The following FMN1 variants were observed in gnomAD, a reference collection of about 807,000 sequenced individuals.
FMN1 encodes formin 1, also known as formin-1.
In FMN1, 110 loss-of-function variants were observed where a neutral mutation model predicts 132.4. That is an observed-to-expected ratio of 0.83 (90% CI 0.71 to 0.97). FMN1 has a LOEUF of 0.97. FMN1 is among the 50% of genes least tolerant of loss of function. The pLI is 0.00. For missense variants in FMN1, 1,792 were observed against 1,705.3 expected, an observed-to-expected ratio of 1.05 and a Z score of -0.90; for synonymous variants, 722 against 651.7, an observed-to-expected ratio of 1.11 and a Z score of -1.64.
At chr15:32,860,811 A>G (rs772998738) in intron 16 of FMN1, 3 of 152,178 alleles carry the variant, frequency 2.0e-5, no homozygotes, top group East Asian at 3.8e-4. Context: ...AGGTGTCCCA[A>G]GATGATCTAA....
chr15:33,169,907 A>C (rs1168496769), intron 3 of FMN1, among the ~76,000 whole-genome samples: 1 of 152,092 alleles, frequency 6.6e-6, no homozygotes, highest in Admixed American at 6.6e-5. Context: ...CTTGCATAAC[A>C]AATCACTTTT....
At chr15:32,965,355 G>A (rs996909533) in intron 8 of FMN1, among the ~76,000 whole-genome samples, 5 of 152,048 alleles carry the variant, frequency 3.3e-5, no homozygotes, top group African/African-American at 1.2e-4. Flanking sequence ...AACTGAGATT[G>A]TGCCACTGCA....
chr15:33,110,702 C>A (rs1754279258), intron 4 of FMN1, among the ~76,000 whole-genome samples: 1 of 151,216 alleles, frequency 6.6e-6, no homozygotes, highest in Non-Finnish European at 1.5e-5. Context: ...ATCATTAAAG[C>A]ATTTTGATGA....
At position 33,024,223 on chromosome 15, in the gene FMN1, ATTTTTTTTTTTTTTTTTTTTT is replaced by A. The variant is rs555760509; in HGVS notation, c.2162-16169_2162-16149del. 3.7e-3 allele frequency among the ~76,000 whole-genome samples: 325 copies of A among 88,022 alleles called. 2 individuals are homozygous for A. Among genetic ancestry groups the A allele is most frequent in the South Asian group, 0.013 (29 of 2,160 alleles). The allele number at this position is 88,022 out of a possible 152,430, so 57.7% of individuals were successfully genotyped here. On this transcript the variant is annotated intron_variant, in intron 6 of 20. Transcript: ENST00000616417. Reference sequence around the variant, plus strand: ...GGGAATACTATTTCACACCTATCAGATTTTTTTTTTTTTTTTTTTTTTTTTTTTTTTTTTTTTTTGAGATGT... The same window carrying A: ...GGGAATACTATTTCACACCTATCAGATTTTTTTTTTTTTTTTTTGAGATGT...
At chr15:32,861,381 G>A (rs2059264435) in intron 16 of FMN1, among the ~76,000 whole-genome samples, 1 of 152,132 alleles carries the variant, frequency 6.6e-6, no homozygotes, top group African/African-American at 2.4e-5. Flanking sequence ...AGCCCATGCG[G>A]TGCCCATCAA....
At chr15:33,110,357 A>ATTTTT (rs2039653947) in intron 4 of FMN1, among the ~76,000 whole-genome samples, 1 of 152,104 alleles carries the variant, frequency 6.6e-6, no homozygotes, top group Non-Finnish European at 1.5e-5. Context: ...TGGAACCAAA[A>ATTTTT]GGTTATGTAT....
intron 4 of FMN1, among the ~76,000 whole-genome samples, chr15:33,114,655 C>G (rs141757860): frequency 9.2e-5 from 14 of 152,256 alleles, no homozygotes; most frequent in African/African-American, 3.1e-4. Flanking sequence ...AATGCACCTT[C>G]TTTTGGAGAG....
At chr15:32,809,189 A>G (rs961372986) in intron 17 of FMN1, among the ~76,000 whole-genome samples, 1 of 152,144 alleles carries the variant, frequency 6.6e-6, no homozygotes, top group South Asian at 2.1e-4. Context: ...GACCTGATTA[A>G]CTGGATCACT....
intron 6 of FMN1, among the ~76,000 whole-genome samples, chr15:33,035,533 C>T (rs2036150091): frequency 6.6e-6 from 1 of 152,138 alleles, no homozygotes; most frequent in Admixed American, 6.5e-5. Flanking sequence ...TCTGTACTCA[C>T]AGCCTTTGCA....
chr15:32,875,319 T>C (rs1161874375), intron 16 of FMN1, among the ~76,000 whole-genome samples: 2 of 151,912 alleles, frequency 1.3e-5, no homozygotes, highest in African/African-American at 4.8e-5. Flanking sequence ...CACCTCCTAC[T>C]TTCACCATCT....
intron 17 of FMN1, among the ~76,000 whole-genome samples, chr15:32,813,302 G>A (rs956555095): frequency 6.6e-6 from 1 of 152,156 alleles, no homozygotes; most frequent in African/African-American, 2.4e-5. Flanking sequence ...GTGATCAATA[G>A]TAACTACTGC....
At chr15:32,867,472 A>G (rs977974403) in intron 16 of FMN1, among the ~76,000 whole-genome samples, 47 of 151,440 alleles carry the variant, frequency 3.1e-4, no homozygotes, top group African/African-American at 1.1e-3. Flanking sequence ...GTCAGTGCTT[A>G]GTCATCATTA....
At chr15:33,173,500 A>T (rs140889409) in intron 3 of FMN1, among the ~76,000 whole-genome samples, 1 of 152,224 alleles carries the variant, frequency 6.6e-6, no homozygotes, top group South Asian at 2.1e-4. Flanking sequence ...TAAGAACTCA[A>T]AATGGTCATT....
At chr15:32,870,960 GT>G (rs1031889342) in intron 16 of FMN1, among the ~76,000 whole-genome samples, 2 of 152,118 alleles carry the variant, frequency 1.3e-5, no homozygotes, top group Non-Finnish European at 2.9e-5. Flanking sequence ...TCTAAGATTG[GT>G]TTAGGAGGTA....
chr15:33,090,464 C>G (rs1262786186), intron 4 of FMN1, among the ~76,000 whole-genome samples: 1 of 152,164 alleles, frequency 6.6e-6, no homozygotes, highest in Non-Finnish European at 1.5e-5. Context: ...CAGAATGATG[C>G]AGGTCACAGT....
intron 19 of FMN1, among the ~76,000 whole-genome samples, chr15:32,784,882 T>C (rs1239898231): frequency 1.3e-5 from 2 of 152,196 alleles, no homozygotes; most frequent in African/African-American, 4.8e-5. Context: ...ATTTCTGCCC[T>C]ATGCAACTTT....
chr15:32,920,498 G>C (rs905726659), intron 10 of FMN1, among the ~76,000 whole-genome samples: 1 of 152,116 alleles, frequency 6.6e-6, no homozygotes, highest in African/African-American at 2.4e-5. Flanking sequence ...ACACTATCTT[G>C]GGTAGAAATA....
rs190107785 is a variant in FMN1, at chr15:33,129,603, C to T, written c.1867+23445G>A. On this transcript the variant is annotated intron_variant, in intron 4 of 20. Transcript: ENST00000616417. ...TATGAGTCTCACAACCATCCACTGT[C>T]GTGGGTGTCACCCCAATCCTACAGA... 3.3e-5 allele frequency among the ~76,000 whole-genome samples: 5 copies of T among 152,220 alleles called. No homozygotes were observed. In the East Asian group the frequency reaches 5.8e-4, roughly 18 times the overall value.
At chr15:33,071,480 G>C (rs1286621532) in intron 5 of FMN1, among the ~76,000 whole-genome samples, 1 of 152,294 alleles carries the variant, frequency 6.6e-6, no homozygotes, top group African/African-American at 2.4e-5. Flanking sequence ...GAGGACATAA[G>C]AATGAAGATA....
Sources: gnomAD v4.1 joint callset for allele counts (sites outside exome capture counted in the v4.1 genomes callset) on GRCh38, gnomAD v4.1.1 for gene constraint, MANE v1.5 for transcripts, NCBI Gene and HGNC (gene_info 2026-07-23, HGNC 2026-07-21) for gene names.